TTC28: variants seen among roughly 807,000 people sequenced by gnomAD.
The protein encoded by TTC28 is tetratricopeptide repeat domain 28.
In TTC28, 61 loss-of-function variants were observed where a neutral mutation model predicts 198.0. The ratio of observed to expected loss-of-function variants is 0.31; its 90% CI spans 0.25 to 0.38. The LOEUF is 0.38. Ranked by LOEUF, TTC28 falls within the 10% of genes least tolerant of loss-of-function variation. TTC28 has a pLI of 1.00. For synonymous variants in TTC28, 1,171 were observed against 1,297.8 expected, an observed-to-expected ratio of 0.90 and a Z score of 2.10; for missense variants, 2,678 against 3,164.0, an observed-to-expected ratio of 0.85 and a Z score of 3.69.
chr22:28,277,355 G>A (rs188886610), intron 5 of TTC28, among the ~76,000 whole-genome samples: 12 of 152,236 alleles, frequency 7.9e-5, no homozygotes, highest in Admixed American at 5.2e-4. Context: ...TCTGATTACT[G>A]CTTAGAAAAC....
intron 6 of TTC28, among the ~76,000 whole-genome samples, chr22:28,149,797 T>C (rs527612603): frequency 2.6e-5 from 4 of 152,150 alleles, no homozygotes; most frequent in Admixed American, 2.0e-4. Context: ...AAATTTCCAG[T>C]TAGACAAGAG....
At chr22:28,211,563 A>T (rs1157165687) in intron 5 of TTC28, among the ~76,000 whole-genome samples, 1 of 152,222 alleles carries the variant, frequency 6.6e-6, no homozygotes, top group African/African-American at 2.4e-5. Flanking sequence ...AAAGGGATCA[A>T]TTCAACAAGA....
At chr22:28,672,318 C>T (rs1470339269) in intron 1 of TTC28, among the ~76,000 whole-genome samples, 1 of 152,154 alleles carries the variant, frequency 6.6e-6, no homozygotes, top group African/African-American at 2.4e-5. Flanking sequence ...CAGGCGCCTG[C>T]CACCATGCAC....
chr22:28,648,851 G>A (rs552169156), intron 1 of TTC28, among the ~76,000 whole-genome samples: 4 of 152,148 alleles, frequency 2.6e-5, no homozygotes, highest in Non-Finnish European at 4.4e-5. Context: ...AGAGGTTGCA[G>A]TGAGCCGAGA....
intron 2 of TTC28, among the ~76,000 whole-genome samples, chr22:28,618,722 C>T (rs1470809634): frequency 6.7e-6 from 1 of 149,454 alleles, no homozygotes; most frequent in Non-Finnish European, 1.5e-5. Context: ...GGTAGGATAT[C>T]GAAACAATGA....
chr22:28,636,809 C>T (rs563222540), intron 1 of TTC28, among the ~76,000 whole-genome samples: 2 of 152,106 alleles, frequency 1.3e-5, no homozygotes, highest in South Asian at 4.1e-4. Context: ...AATATTTTAT[C>T]CCACCCCATA....
chr22:28,632,479 G>C (rs145509900), intron 1 of TTC28, among the ~76,000 whole-genome samples: 1 of 151,222 alleles, frequency 6.6e-6, no homozygotes, highest in East Asian at 1.9e-4. Flanking sequence ...TGCACTTAAA[G>C]GTTTTTTAAA....
At chr22:28,409,232 T>C (rs1028269086) in intron 2 of TTC28, among the ~76,000 whole-genome samples, 1 of 152,202 alleles carries the variant, frequency 6.6e-6, no homozygotes, top group African/African-American at 2.4e-5. Flanking sequence ...GTTTACTGAC[T>C]CATATTATTA....
intron 5 of TTC28, among the ~76,000 whole-genome samples, chr22:28,165,053 C>T (rs181542438): frequency 1.6e-4 from 25 of 151,996 alleles, no homozygotes; most frequent in Admixed American, 3.9e-4. Context: ...GTAGCTGATG[C>T]GATCAACTGG....
At chr22:27,985,207 G>T in intron 22 of TTC28, 42 bp downstream of exon 22, 1 of 1,424,254 alleles carries the variant, frequency 7.0e-7, no homozygotes, top group South Asian at 1.2e-5. Context: ...GGGAGAGCAT[G>T]GCAGGCCCTG....
At chr22:28,080,358 C>T (rs1601595557) in intron 12 of TTC28, among the ~76,000 whole-genome samples, 1 of 152,248 alleles carries the variant, frequency 6.6e-6, no homozygotes, top group East Asian at 1.9e-4. Flanking sequence ...GGTTATTTTC[C>T]ATTTTTTTTA....
intron 1 of TTC28, among the ~76,000 whole-genome samples, chr22:28,642,315 G>A (rs1269718523): frequency 6.6e-6 from 1 of 151,848 alleles, no homozygotes; most frequent in African/African-American, 2.4e-5. Context: ...TGTGAACTTA[G>A]GTTAGGCAAA....
At chr22:28,241,795 T>C (rs1280874477) in intron 5 of TTC28, among the ~76,000 whole-genome samples, 2 of 152,176 alleles carry the variant, frequency 1.3e-5, no homozygotes, top group African/African-American at 4.8e-5. Flanking sequence ...GGACTTGAAG[T>C]AGTTTGGTTA....
chr22:28,412,850 T>A (rs769062477), intron 2 of TTC28, among the ~76,000 whole-genome samples: 15 of 152,170 alleles, frequency 9.9e-5, no homozygotes, highest in Non-Finnish European at 1.9e-4. Context: ...GCAAACTTTC[T>A]CCATTTAAAA....
intron 2 of TTC28, among the ~76,000 whole-genome samples, chr22:28,606,858 T>C (rs1161104408): frequency 6.6e-6 from 1 of 152,164 alleles, no homozygotes; most frequent in Non-Finnish European, 1.5e-5. Flanking sequence ...ATCCATAACA[T>C]GAAAAGAAGT....
chr22:28,449,768 G>T (rs927636928), intron 2 of TTC28, among the ~76,000 whole-genome samples: 9 of 152,128 alleles, frequency 5.9e-5, no homozygotes, highest in African/African-American at 1.9e-4. Context: ...GGCCAAATAA[G>T]TTTCTGTTGC....
At chr22:28,601,267 C>G (rs1205566658) in intron 2 of TTC28, among the ~76,000 whole-genome samples, 4 of 152,140 alleles carry the variant, frequency 2.6e-5, no homozygotes, top group Non-Finnish European at 4.4e-5. Flanking sequence ...GAGTTGCCAA[C>G]TGATTACAAA....
At chr22:28,440,315 A>G (rs1568944641) in intron 2 of TTC28, among the ~76,000 whole-genome samples, 1 of 152,192 alleles carries the variant, frequency 6.6e-6, no homozygotes, top group African/African-American at 2.4e-5. Context: ...TTGTTCTGAC[A>G]GTTTCTTTGT....
At chr22:28,109,668 T>C (rs1601326308) in intron 6 of TTC28, among the ~76,000 whole-genome samples, 1 of 152,248 alleles carries the variant, frequency 6.6e-6, no homozygotes, top group Non-Finnish European at 1.5e-5. Context: ...AGCATAATGG[T>C]AACTTGGGAG....
Sources: gnomAD v4.1 joint callset for allele counts (sites outside exome capture counted in the v4.1 genomes callset) on GRCh38, gnomAD v4.1.1 for gene constraint, MANE v1.5 for transcripts, NCBI Gene and HGNC (gene_info 2026-07-23, HGNC 2026-07-21) for gene names.